The following PAPPA variants were observed in gnomAD, a reference collection of about 807,000 sequenced individuals.
PAPPA encodes pappalysin 1.
PAPPA carries 60 observed loss-of-function variants against 164.0 expected under a neutral mutation model. The ratio of observed to expected loss-of-function variants is 0.37; its 90% CI spans 0.30 to 0.45. The LOEUF (loss-of-function observed/expected upper bound fraction) is 0.45, where lower values mean the gene tolerates loss of function less well. PAPPA is among the 20% of genes least tolerant of loss of function. The pLI is 1.00. For synonymous variants in PAPPA, 875 were observed against 814.1 expected (o/e 1.07, Z -1.27); for missense variants, 1,782 against 2,087.3 (o/e 0.85, Z 2.85).
intron 21 of PAPPA, among the ~76,000 whole-genome samples, chr9:116,395,473 C>G (rs528453533): frequency 5.1e-4 from 78 of 152,274 alleles, no homozygotes; most frequent in Non-Finnish European, 2.6e-4. Flanking sequence ...ATGGGAGGCT[C>G]TCTGGGGAAA....
intron 12 of PAPPA, 135 bp from the exon 13 acceptor site, chr9:116,334,726 T>C (rs1295746659): frequency 6.3e-6 from 4 of 636,640 alleles, no homozygotes; most frequent in South Asian, 1.9e-5. Context: ...CTCAAAATCC[T>C]CACCGGCCGC....
chr9:116,351,840 C>T (rs1338553128), intron 15 of PAPPA, among the ~76,000 whole-genome samples: 2 of 152,152 alleles, frequency 1.3e-5, no homozygotes, highest in Admixed American at 6.5e-5. Flanking sequence ...TGCAAGTCCC[C>T]GAGCCCCCGA....
chr9:116,328,989 G>A (rs771145977), intron 10 of PAPPA, among the ~76,000 whole-genome samples: 2 of 152,158 alleles, frequency 1.3e-5, no homozygotes, highest in Non-Finnish European at 2.9e-5. Context: ...ATTAATGCTT[G>A]CAACTGCAGA....
chr9:116,367,892 T>C (rs1324162267), intron 19 of PAPPA, 138 bp downstream of exon 19: 1 of 675,170 alleles, frequency 1.5e-6, no homozygotes, highest in African/African-American at 1.8e-5. Flanking sequence ...GCCCTGTGGG[T>C]GTGTGTTGCA....
At chr9:116,305,056 AACAC>A (rs147736582) in intron 10 of PAPPA, among the ~76,000 whole-genome samples, 1 of 143,814 alleles carries the variant, frequency 7.0e-6, no homozygotes. Flanking sequence ...GTCATTCACA[AACAC>A]ACACACACAC....
chr9:116,184,016 A>G (rs1216849991), intron 1 of PAPPA, among the ~76,000 whole-genome samples: 1 of 151,364 alleles, frequency 6.6e-6, no homozygotes, highest in Non-Finnish European at 1.5e-5. Flanking sequence ...AAAAACCTGC[A>G]GAGAGAGAGA....
chr9:116,240,859 A>G (rs1277467004), intron 7 of PAPPA, among the ~76,000 whole-genome samples: 3 of 152,186 alleles, frequency 2.0e-5, no homozygotes. Context: ...TCTTCTTAGG[A>G]TCCTCAGTTG....
chr9:116,192,759 C>A (rs1416732617), intron 2 of PAPPA, among the ~76,000 whole-genome samples: 1 of 152,184 alleles, frequency 6.6e-6, no homozygotes, highest in African/African-American at 2.4e-5. Flanking sequence ...GGAGGCAGGA[C>A]TTCATCTGCA....
chr9:116,220,076 G>A lies in PAPPA; in HGVS notation c.2058G>A (p.Thr686=), dbSNP rs140939488. 2.2e-5 allele frequency: 35 copies of A among 1,613,918 alleles called. No homozygotes were observed. The highest frequency in any genetic ancestry group is 2.7e-5 in the African/African-American group (2 of 74,896). Residue 686 remains threonine (T), a synonymous_variant, in exon 5 of 22, where the codon ACG becomes ACA. Coordinates refer to ENST00000328252, the MANE Select transcript of PAPPA (RefSeq NM_002581.5). Reference sequence around the variant, plus strand: ...CCCCCCAAGTTCTGGGCCACACAACGGACTCTGTGACACTGGAGTGGTTCC... The same window carrying A: ...CCCCCCAAGTTCTGGGCCACACAACAGACTCTGTGACACTGGAGTGGTTCC... ...ALAPQVLGHT[T]DSVTLEWFPP...
At chr9:116,155,840 G>A (rs1216782957) in intron 1 of PAPPA, among the ~76,000 whole-genome samples, 2 of 152,068 alleles carry the variant, frequency 1.3e-5, no homozygotes, top group Non-Finnish European at 2.9e-5. Context: ...AGCTATCAAA[G>A]GAGAGCGATA....
chr9:116,315,417 A>C (rs1845775859), intron 10 of PAPPA, among the ~76,000 whole-genome samples: 1 of 152,224 alleles, frequency 6.6e-6, no homozygotes, highest in Non-Finnish European at 1.5e-5. Context: ...TGTGTGTTCC[A>C]GCATCAAGAA....
At chr9:116,365,626 A>G (rs1055230641) in intron 18 of PAPPA, among the ~76,000 whole-genome samples, 3 of 139,606 alleles carry the variant, frequency 2.1e-5, no homozygotes, top group African/African-American at 7.6e-5. Flanking sequence ...TTTTTTTTCA[A>G]AAGGATTTTA....
At position 116,399,047 on chromosome 9, in the gene PAPPA, A is replaced by G. The variant is rs1471747827; in HGVS notation, c.*2431A>G. 5.5e-6 allele frequency: 1 copy of G among 182,796 alleles called. No individual in the cohort carries two copies. The highest frequency in any genetic ancestry group is 1.1e-5 in the Non-Finnish European group (1 of 87,436). 11.3% of individuals were successfully genotyped at this position (182,796 alleles called of 1,614,324 possible). ...CCATAGGTAATACAAAAAGCTCTGA[A>G]GACCCAAAGATGACATTACTAATGA... On this transcript the variant is annotated 3_prime_UTR_variant, in exon 22 of 22. Coordinates refer to ENST00000328252, the MANE Select transcript of PAPPA (RefSeq NM_002581.5).
rs1006772167 is a variant in PAPPA at position 116,347,861 on chromosome 9, G to A, written c.3964+652G>A. The stretch of plus-strand genomic sequence containing the variant: ...AAGAGGTCACATTTTAGAAAAAAGT[G>A]AGTAGCTGGCCTGGGTGTCCTAGAA... On this transcript the variant is annotated intron_variant, in intron 15 of 21. Coordinates refer to ENST00000328252, the MANE Select transcript of PAPPA (RefSeq NM_002581.5). This position sits in a 1 kb window ranked among gnomAD's most constrained non-coding sequence, Gnocchi z 4.5. 3.9e-5 allele frequency among the ~76,000 whole-genome samples: 6 copies of A among 152,172 alleles called. No individual in the cohort carries two copies. In the South Asian group the frequency reaches 1.0e-3, roughly 26 times the overall value.
At chr9:116,213,417 C>CA (rs1375683074) in intron 4 of PAPPA, among the ~76,000 whole-genome samples, 1 of 152,038 alleles carries the variant, frequency 6.6e-6, no homozygotes, top group Non-Finnish European at 1.5e-5. Flanking sequence ...TTTGAGTGCT[C>CA]AAAAAAGACC....
chr9:116,385,858 G>A lies in PAPPA; in HGVS notation c.4776+3365G>A, dbSNP rs541323012. On this transcript the variant is annotated intron_variant, in intron 21 of 21. Transcript: ENST00000328252. ...CAGTATTTCTGCCCTTGTGAAACGTGTAGTCTATTAGAGGAGCCTGTTATT... is the reference window on the plus strand; with the variant it reads ...CAGTATTTCTGCCCTTGTGAAACGTATAGTCTATTAGAGGAGCCTGTTATT... 2.6e-5 allele frequency among the ~76,000 whole-genome samples: 4 copies of A among 152,346 alleles called. No homozygotes were observed. In the South Asian group the frequency reaches 8.3e-4, roughly 32 times the overall value.
At position 116,398,479 on chromosome 9, in the gene PAPPA, T is replaced by TAAAAA; in HGVS notation, c.*1876_*1880dup. 1.6e-5 allele frequency: 11 copies of TAAAAA among 702,134 alleles called. No individual in the cohort carries two copies. The highest frequency in any genetic ancestry group is 2.0e-5 in the South Asian group (1 of 48,954). The allele number at this position is 702,134 out of a possible 1,614,324, so 43.5% of individuals were successfully genotyped here. ...GGTGTTGTTAATCTATCATAGCACTTAAAAAAAAAAAAAAAAAGAGACCAA... is the reference window on the plus strand; with the variant it reads ...GGTGTTGTTAATCTATCATAGCACTTAAAAAAAAAAAAAAAAAAAAAAGAGACCAA... On this transcript the variant is annotated 3_prime_UTR_variant, in exon 22 of 22. Coordinates refer to ENST00000328252, the MANE Select transcript of PAPPA (RefSeq NM_002581.5).
intron 10 of PAPPA, among the ~76,000 whole-genome samples, chr9:116,330,127 C>T (rs951549741): frequency 5.9e-5 from 9 of 152,132 alleles, no homozygotes; most frequent in East Asian, 1.9e-4. Context: ...CCGTACTTTT[C>T]GGATGAGTAG....
intron 9 of PAPPA, among the ~76,000 whole-genome samples, chr9:116,278,324 T>C (rs989222683): frequency 3.9e-5 from 6 of 152,318 alleles, no homozygotes; most frequent in African/African-American, 1.4e-4. Flanking sequence ...TCCAAAGTCA[T>C]ATAGCCAGGT....
Sources: allele counts gnomAD v4.1 joint callset (sites outside exome capture counted in the v4.1 genomes callset), GRCh38; gene constraint gnomAD v4.1.1; non-coding constraint Gnocchi (gnomAD v3.1); transcripts MANE v1.5; gene names NCBI Gene and HGNC (gene_info 2026-07-23, HGNC 2026-07-21).